CDH26: variants seen among roughly 807,000 people sequenced by gnomAD.
The protein encoded by CDH26 is cadherin-like protein 26.
CDH26 carries 83 observed loss-of-function variants against 90.3 expected under a neutral mutation model. The ratio of observed to expected loss-of-function variants is 0.92; its 90% CI spans 0.77 to 1.10. CDH26 has a LOEUF of 1.10. Among genes scored for constraint, CDH26 ranks in the 50% least tolerant of loss-of-function variants. The pLI, the probability that CDH26 is intolerant of heterozygous loss-of-function variation, is 0.00. For missense variants in CDH26, 1,013 were observed against 1,037.6 expected (o/e 0.98, Z 0.33); for synonymous variants, 397 against 396.3 (o/e 1.00, Z -0.02).
At chr20:60,034,940 C>A (rs1293932172), downstream of CDH26, among the ~76,000 whole-genome samples, 1 of 152,210 alleles carries the variant, frequency 6.6e-6, no homozygotes, top group Non-Finnish European at 1.5e-5. Context: ...AGCTGGACTC[C>A]TTCCCATCCC....
intron 7 of CDH26, among the ~76,000 whole-genome samples, chr20:60,029,155 T>C (rs762140781): frequency 3.9e-5 from 6 of 152,164 alleles, no homozygotes; most frequent in Non-Finnish European, 5.9e-5. Flanking sequence ...GAAGATAGAA[T>C]GGTAGTTTCC....
chr20:60,026,160 G>A (rs2061995255), intron 7 of CDH26, among the ~76,000 whole-genome samples: 1 of 152,154 alleles, frequency 6.6e-6, no homozygotes, highest in Non-Finnish European at 1.5e-5. Context: ...TTGCTCTGGG[G>A]TTTATCGTTT....
At chr20:60,022,689 G>A (rs577998691) in intron 7 of CDH26, among the ~76,000 whole-genome samples, 4 of 152,198 alleles carry the variant, frequency 2.6e-5, no homozygotes, top group Admixed American at 6.5e-5. Flanking sequence ...GAGTTTTTCT[G>A]TGTGGCAGAG....
At chr20:59,971,006 A>G (rs1417235861) in intron 3 of CDH26, among the ~76,000 whole-genome samples, 2 of 151,994 alleles carry the variant, frequency 1.3e-5, no homozygotes, top group African/African-American at 4.8e-5. Flanking sequence ...TGCCTCCCTC[A>G]TGCTGAGGGT....
At position 60,001,371 on chromosome 20, in the gene CDH26, C is replaced by T. The variant is rs751056503; in HGVS notation, c.2126C>T (p.Ala709Val). 43 of 1,613,822 alleles carry T rather than the reference C, an allele frequency of 2.7e-5. No homozygotes were observed. Among genetic ancestry groups the T allele is most frequent in the Non-Finnish European group, 3.2e-5 (38 of 1,180,006 alleles). The change falls in exon 15 of 18, where the codon GCG becomes GTG. Residue 709 changes from alanine to valine, a missense_variant. By Grantham distance (64) the Ala-to-Val change is moderately conservative (BLOSUM62 0). Transcript: ENST00000348616. The part of the protein sequence containing the change: ...KDLEEVPPSA[A>V]SQSAQARCAL... ...CTCGAGGAAGTGCCTCCATCTGCAG[C>T]GAGTCAGTCAGCCCAAGCACGCTGT...
chr20:59,967,963 CTTT>C (rs2061192850), intron 1 of CDH26, among the ~76,000 whole-genome samples: 3 of 50,254 alleles, frequency 6.0e-5, no homozygotes, highest in African/African-American at 2.5e-4. Flanking sequence ...TTCTATCTTT[CTTT>C]CTTTCTTTCT....
intron 4 of CDH26, among the ~76,000 whole-genome samples, chr20:59,978,498 C>A (rs2061352577): frequency 6.6e-6 from 1 of 151,804 alleles, no homozygotes; most frequent in Non-Finnish European, 1.5e-5. Context: ...ACCTCAGCCT[C>A]CCGAGTAGTG....
chr20:59,989,401 G>C (rs2061499985), intron 9 of CDH26, among the ~76,000 whole-genome samples: 1 of 151,526 alleles, frequency 6.6e-6, no homozygotes, highest in Non-Finnish European at 1.5e-5. Context: ...GGTGGCGGGC[G>C]CCTGTAGTCC....
chr20:59,994,404 G>T lies in CDH26; in HGVS notation c.1581G>T (p.Leu527=), dbSNP rs1345633370. The change falls in exon 11 of 18, where the codon CTG becomes CTT. Residue 527 remains leucine, a synonymous_variant. Transcript: ENST00000348616. ...PLHIEAEDPD[L]EPFSDPFTFE... The stretch of plus-strand genomic sequence containing the variant: ...ACATCGAGGCAGAGGATCCGGACCT[G>T]GAGCCGTTCTCTGACCCATTTACAT... The T allele has an allele frequency of 6.2e-7, 1 of 1,614,188 alleles. No individual in the cohort carries two copies. Among genetic ancestry groups the T allele is most frequent in the Non-Finnish European group, 8.5e-7 (1 of 1,180,040 alleles).
chr20:59,971,246 A>G (rs576119944), intron 3 of CDH26, among the ~76,000 whole-genome samples: 1 of 152,332 alleles, frequency 6.6e-6, no homozygotes, highest in Non-Finnish European at 1.5e-5. Context: ...CTCAGTGGTT[A>G]AAAGTGTATA....
At chr20:60,007,042 T>C (rs1352306128) in intron 17 of CDH26, among the ~76,000 whole-genome samples, 1 of 152,148 alleles carries the variant, frequency 6.6e-6, no homozygotes, top group African/African-American at 2.4e-5. Context: ...AGCTGGCAGA[T>C]GGCCACTTTC....
chr20:60,008,125 G>T (rs978837175), intron 17 of CDH26, among the ~76,000 whole-genome samples: 7 of 152,180 alleles, frequency 4.6e-5, no homozygotes, highest in African/African-American at 1.4e-4. Context: ...AGCTCCTCCT[G>T]TTGCAGGGCA....
chr20:59,985,481 C>G (rs2145986744), intron 7 of CDH26, among the ~76,000 whole-genome samples: 1 of 152,060 alleles, frequency 6.6e-6, no homozygotes, highest in East Asian at 1.9e-4. Flanking sequence ...GGGCCACACA[C>G]TTTTAAATGA....
intron 12 of CDH26, chr20:59,996,271 A>G: frequency 4.2e-6 from 5 of 1,184,652 alleles, no homozygotes; most frequent in Non-Finnish European, 5.7e-6. Context: ...TTCTACTCAC[A>G]ATGGAATCCA....
In CDH26 at chr20:60,021,897, C is replaced by CACACACACACAT. The variant is rs1295572684; in HGVS notation, c.948-9333_948-9332insCACACACACATA. On this transcript the variant is annotated intron_variant, in intron 7 of 8. Transcript: ENST00000370991. ...ACACACACACACACACACACACACA[C>CACACACACACAT]ATATATATATATATATATATCCTGA... Among the ~76,000 whole-genome samples, 122 of 78,996 alleles carry CACACACACACAT rather than the reference C, an allele frequency of 1.5e-3. 8 individuals are homozygous for CACACACACACAT. Among genetic ancestry groups the CACACACACACAT allele is most frequent in the African/African-American group, 4.3e-3 (108 of 25,062 alleles). The allele number at this position is 78,996 out of a possible 152,430, so 51.8% of individuals were successfully genotyped here.
chr20:60,012,624 C>G lies in CDH26; in HGVS notation c.2393C>G (p.Ser798Cys), dbSNP rs766481135. The G allele has an allele frequency of 2.5e-6, 4 of 1,614,016 alleles. No homozygotes were observed. Among genetic ancestry groups the G allele is most frequent in the South Asian group, 2.2e-5 (2 of 91,066 alleles). ...TGTGGAGGGGCCCCATCCCTCAGCTCTCTGGCCAGCTTGGAACAGGAGTTG... is the reference window on the plus strand; with the variant it reads ...TGTGGAGGGGCCCCATCCCTCAGCTGTCTGGCCAGCTTGGAACAGGAGTTG... Reference protein sequence around the residue: ...GECGGAPSLSSLASLEQELQP... With the variant: ...GECGGAPSLSCLASLEQELQP... Residue 798 changes from serine to cysteine, a missense_variant, in exon 18 of 18, where the codon TCT becomes TGT. Ser to Cys is a moderately radical substitution (Grantham distance 112, BLOSUM62 -1). Transcript: ENST00000348616.
At chr20:59,998,896 GGTAAATAAGGCCATC>G in intron 13 of CDH26, among the ~76,000 whole-genome samples, 1 of 152,204 alleles carries the variant, frequency 6.6e-6, no homozygotes, top group Non-Finnish European at 1.5e-5. Context: ...CTGTAACCTT[GGTAAATAAGGCCATC>G]TCTAGGTGCA....
chr20:59,958,696 C>T lies in CDH26; in HGVS notation c.-31C>T, dbSNP rs1289330306. 2 of 1,610,086 alleles carry T rather than the reference C, an allele frequency of 1.2e-6. No individual in the cohort carries two copies. Among genetic ancestry groups the T allele is most frequent in the East Asian group, 2.2e-5 (1 of 44,834 alleles). On this transcript the variant is annotated 5_prime_UTR_variant, in exon 1 of 18. Coordinates refer to ENST00000348616, the MANE Select transcript of CDH26 (RefSeq NM_177980.4). Reference sequence around the variant, plus strand: ...AGCTTGGAGGACTGGTCATCAGCTGCACGTTCTGGGTCTGTCTTGGGTATT... The same window carrying T: ...AGCTTGGAGGACTGGTCATCAGCTGTACGTTCTGGGTCTGTCTTGGGTATT...
rs775177946 is a variant in CDH26, at chr20:59,984,614, A to G, written c.542-25A>G. 9.4e-6 allele frequency: 15 copies of G among 1,597,572 alleles called. 1 individual carries two copies. The South Asian group carries it at 1.7e-4, about 18-fold the overall frequency. On this transcript the variant is annotated intron_variant, in intron 5 of 17. Transcript: ENST00000348616. The stretch of plus-strand genomic sequence containing the variant: ...TGATAGGCTACCTTTATCTGATAGT[A>G]ACAATTTTTAAAAATTCTTTCTAGG...
Sources: allele counts gnomAD v4.1 joint callset (sites outside exome capture counted in the v4.1 genomes callset), GRCh38; gene constraint gnomAD v4.1.1; transcripts MANE v1.5; gene names NCBI Gene and HGNC (gene_info 2026-07-23, HGNC 2026-07-21).